The following ATP8B4 variants were observed in gnomAD, a reference collection of about 807,000 sequenced individuals.
The protein encoded by ATP8B4 is ATPase phospholipid transporting 8B4 (putative).
A neutral mutation model predicts 145.6 loss-of-function variants in ATP8B4; 133 were observed. That is an observed-to-expected ratio of 0.91 (90% CI 0.79 to 1.05). The LOEUF is 1.05. Ranked by LOEUF, ATP8B4 falls within the 50% of genes least tolerant of loss-of-function variation. ATP8B4 has a pLI of 0.00. For synonymous variants in ATP8B4, 507 were observed against 492.9 expected, an observed-to-expected ratio of 1.03 and a Z score of -0.38; for missense variants, 1,458 against 1,425.2, an observed-to-expected ratio of 1.02 and a Z score of -0.37.
intron 2 of ATP8B4, among the ~76,000 whole-genome samples, chr15:50,088,763 G>T (rs2055391405): frequency 6.6e-6 from 1 of 152,086 alleles, no homozygotes; most frequent in Admixed American, 6.5e-5. Context: ...AGCTGTACCT[G>T]CAACCTTTGG....
rs1172490005 is a variant in ATP8B4, at chr15:49,931,279, A to G, written c.1482T>C (p.Pro494=). 1.2e-6 allele frequency: 2 copies of G among 1,612,538 alleles called. No individual in the cohort carries two copies. The highest frequency in any genetic ancestry group is 1.7e-6 in the Non-Finnish European group (2 of 1,179,116). ...AGELIYQVQS[P]DEGALVTAAR... is the part of the protein sequence containing the mutation. ...CGGCAGTCACTAGAGCCCCTTCATC[A>G]GGTGACTGAACTTGGTAAATCAGCT... The change falls in exon 16 of 28, where the codon CCT becomes CCC. Residue 494 remains proline, a synonymous_variant. Transcript: ENST00000284509.
chr15:49,941,670 T>C (rs1355452375), intron 14 of ATP8B4, among the ~76,000 whole-genome samples: 1 of 152,160 alleles, frequency 6.6e-6, no homozygotes, highest in African/African-American at 2.4e-5. Flanking sequence ...TACCATTGAA[T>C]CCAGCAAACC....
chr15:49,974,711 C>A (rs954485738), intron 12 of ATP8B4, among the ~76,000 whole-genome samples: 5 of 151,880 alleles, frequency 3.3e-5, no homozygotes, highest in African/African-American at 4.8e-5. Context: ...TTATTTAATT[C>A]CTTATCCCAA....
intron 6 of ATP8B4, among the ~76,000 whole-genome samples, chr15:50,025,867 T>G (rs889317697): frequency 6.6e-6 from 1 of 152,160 alleles, no homozygotes; most frequent in African/African-American, 2.4e-5. Flanking sequence ...AAATGAAAGG[T>G]AAGGAGACCA....
At chr15:49,938,947 A>G (rs1463940157) in intron 14 of ATP8B4, among the ~76,000 whole-genome samples, 1 of 152,178 alleles carries the variant, frequency 6.6e-6, no homozygotes, top group Non-Finnish European at 1.5e-5. Flanking sequence ...AATCAATACC[A>G]AGAAGATCTC....
intron 2 of ATP8B4, among the ~76,000 whole-genome samples, chr15:50,095,078 C>T (rs1174796700): frequency 6.6e-6 from 1 of 152,124 alleles, no homozygotes. Flanking sequence ...TTCATTCAAA[C>T]ATCTACTCAG....
intron 16 of ATP8B4, among the ~76,000 whole-genome samples, chr15:49,928,037 T>C (rs556492357): frequency 1.3e-5 from 2 of 152,158 alleles, no homozygotes; most frequent in African/African-American, 4.8e-5. Context: ...ATATTCATAA[T>C]TTACAAAGTG....
chr15:50,072,433 C>G (rs1310024884), intron 3 of ATP8B4, among the ~76,000 whole-genome samples: 4 of 151,900 alleles, frequency 2.6e-5, no homozygotes, highest in Non-Finnish European at 5.9e-5. Flanking sequence ...TTATGAAGGC[C>G]CATGATGTAA....
chr15:49,909,887 G>A (rs182895510), intron 20 of ATP8B4, among the ~76,000 whole-genome samples: 3 of 152,060 alleles, frequency 2.0e-5, no homozygotes, highest in Admixed American at 6.5e-5. Context: ...TGGAAGAAGC[G>A]ACTGTTATAC....
chr15:50,121,779 CT>C (rs2057273251), upstream of ATP8B4, among the ~76,000 whole-genome samples: 1 of 152,084 alleles, frequency 6.6e-6, no homozygotes, highest in Non-Finnish European at 1.5e-5. Flanking sequence ...TTCAAGAGGC[CT>C]TATTTTGTTT....
At chr15:50,020,996 A>T (rs1599854671) in intron 6 of ATP8B4, among the ~76,000 whole-genome samples, 2 of 152,244 alleles carry the variant, frequency 1.3e-5, no homozygotes, top group East Asian at 3.8e-4. Flanking sequence ...AAATAGCAAG[A>T]AGTATGCAAG....
chr15:50,073,019 T>TATATATATATATATAC (rs1455088682), intron 3 of ATP8B4, among the ~76,000 whole-genome samples: 1 of 32,452 alleles, frequency 3.1e-5, no homozygotes, highest in Non-Finnish European at 5.4e-5. Flanking sequence ...TATATATATA[T>TATATATATATATATAC]ACACACACAC....
At chr15:49,960,812 C>A (rs1469679122) in intron 14 of ATP8B4, among the ~76,000 whole-genome samples, 1 of 152,094 alleles carries the variant, frequency 6.6e-6, no homozygotes, top group Non-Finnish European at 1.5e-5. Flanking sequence ...TAATAGACAA[C>A]CCAATAGAAG....
Position 50,106,968 on chromosome 15 carries a change from AT to A in ATP8B4, c.-3del, listed in dbSNP as rs772968557. The A allele has an allele frequency of 1.2e-5, 19 of 1,595,294 alleles. No individual in the cohort carries two copies. In the East Asian group the frequency reaches 3.6e-4, roughly 30 times the overall value. ...CAATTTCTTTTCACTGCAGAACATT[AT>A]TATACCTGATCTTTCACCAGGTCTC... On this transcript the variant is annotated 5_prime_UTR_variant, in exon 2 of 28. Transcript: ENST00000284509.
intron 1 of ATP8B4, among the ~76,000 whole-genome samples, chr15:50,151,078 C>T (rs2044341015): frequency 6.6e-6 from 1 of 152,134 alleles, no homozygotes; most frequent in Non-Finnish European, 1.5e-5. Flanking sequence ...GCACAACTTC[C>T]TTAAAATTTA....
At chr15:49,891,924 G>A (rs1213714479) in intron 23 of ATP8B4, among the ~76,000 whole-genome samples, 2 of 151,958 alleles carry the variant, frequency 1.3e-5, no homozygotes, top group African/African-American at 4.8e-5. Context: ...GACCATCCTG[G>A]CTAACATGGT....
In ATP8B4 at chr15:50,083,388, A is replaced by T. The variant is rs371282776; in HGVS notation, c.29-9203T>A. On this transcript the variant is annotated intron_variant, in intron 2 of 27. Coordinates refer to ENST00000284509, the MANE Select transcript of ATP8B4 (RefSeq NM_024837.4). ...TGCATTTTTATGGACTGGACCATACAGAATGCTTTCTCTAAAGATGAGAAA... is the reference window on the plus strand; with the variant it reads ...TGCATTTTTATGGACTGGACCATACTGAATGCTTTCTCTAAAGATGAGAAA... Among the ~76,000 whole-genome samples, 11 of 152,138 alleles carry T rather than the reference A, an allele frequency of 7.2e-5. No homozygotes were observed. In the East Asian group the frequency reaches 7.7e-4, roughly 11 times the overall value.
chr15:50,126,240 C>CA (rs3076891), intron 1 of ATP8B4, among the ~76,000 whole-genome samples: 5,549 of 91,210 alleles, frequency 0.061, 338 homozygotes, highest in African/African-American at 0.15. Flanking sequence ...GCTAACAGTC[C>CA]AAAAAAAAAA....
At chr15:50,035,121 T>G (rs186293886) in intron 6 of ATP8B4, among the ~76,000 whole-genome samples, 37 of 152,298 alleles carry the variant, frequency 2.4e-4, no homozygotes, top group African/African-American at 8.9e-4. Context: ...GCAAAAGATT[T>G]GTCCTGATTT....
Sources: allele counts gnomAD v4.1 joint callset (sites outside exome capture counted in the v4.1 genomes callset), GRCh38; gene constraint gnomAD v4.1.1; transcripts MANE v1.5; gene names NCBI Gene and HGNC (gene_info 2026-07-23, HGNC 2026-07-21).